Variants in SLC43A2 observed in about 807,000 individuals in gnomAD.
SLC43A2 encodes large neutral amino acids transporter small subunit 4.
SLC43A2 carries 38 observed loss-of-function variants against 63.2 expected under a neutral mutation model. That is an observed-to-expected ratio of 0.60 (90% CI 0.46 to 0.79). SLC43A2 has a LOEUF of 0.79. SLC43A2 is among the 30% of genes least tolerant of loss of function. The pLI is 0.00. For missense variants in SLC43A2, 644 were observed against 756.2 expected, an observed-to-expected ratio of 0.85 and a Z score of 1.74; for synonymous variants, 322 against 331.0, an observed-to-expected ratio of 0.97 and a Z score of 0.30.
At chr17:1,601,029 T>C (rs1482091584) in intron 5 of SLC43A2, among the ~76,000 whole-genome samples, 1 of 151,176 alleles carries the variant, frequency 6.6e-6, no homozygotes, top group South Asian at 2.1e-4. Context: ...AGGGTTGTTG[T>C]GGTAGCGACT....
chr17:1,621,248 C>A (rs1353939181), intron 2 of SLC43A2, among the ~76,000 whole-genome samples: 1 of 152,178 alleles, frequency 6.6e-6, no homozygotes, highest in Non-Finnish European at 1.5e-5. Flanking sequence ...CCTCCCCACA[C>A]CCCGGGGAGA....
chr17:1,607,583 C>T (rs1052160518), intron 5 of SLC43A2, among the ~76,000 whole-genome samples: 2 of 152,134 alleles, frequency 1.3e-5, no homozygotes, highest in Non-Finnish European at 2.9e-5. Flanking sequence ...GGAGAGCTGG[C>T]CCATGCAACC....
chr17:1,592,969 C>A (rs1336476532), intron 6 of SLC43A2, among the ~76,000 whole-genome samples: 1 of 152,212 alleles, frequency 6.6e-6, no homozygotes, highest in Non-Finnish European at 1.5e-5. Flanking sequence ...TGCAAAGGCA[C>A]CTGCGGCAGA....
In SLC43A2 at chr17:1,575,862, C is replaced by T. The variant is rs564399138; in HGVS notation, c.1549-97G>A. ...GGGTTTGGGAAAGGGGAGAAGGTCA[C>T]GGGGTGGAAGGGGGAACGAAACAGG... On this transcript the variant is annotated intron_variant, in intron 13 of 13. Transcript: ENST00000301335. 8.8e-6 allele frequency: 12 copies of T among 1,367,930 alleles called. No individual in the cohort carries two copies. In the Admixed American group the frequency reaches 1.2e-4, roughly 14 times the overall value. 84.7% of individuals were successfully genotyped at this position (1,367,930 alleles called of 1,614,324 possible).
At chr17:1,608,395 GT>G (rs1055697933) in intron 5 of SLC43A2, among the ~76,000 whole-genome samples, 26 of 151,598 alleles carry the variant, frequency 1.7e-4, no homozygotes, top group Non-Finnish European at 3.7e-4. Flanking sequence ...TGGTTTGTGT[GT>G]TTTGTTTTTT....
chr17:1,601,092 GTTTT>G (rs1271873098), intron 5 of SLC43A2, among the ~76,000 whole-genome samples: 2 of 148,432 alleles, frequency 1.3e-5, no homozygotes, highest in Non-Finnish European at 3.0e-5. Context: ...TTGTTTGTTT[GTTTT>G]AAGTAAAATG....
chr17:1,602,371 C>A (rs1007007760), intron 5 of SLC43A2, among the ~76,000 whole-genome samples: 2 of 152,108 alleles, frequency 1.3e-5, no homozygotes, highest in African/African-American at 4.8e-5. Flanking sequence ...ACAGGCCGGG[C>A]ACGGTGGCTC....
At chr17:1,584,488 G>A (rs572652993) in intron 10 of SLC43A2, among the ~76,000 whole-genome samples, 90 of 152,192 alleles carry the variant, frequency 5.9e-4, no homozygotes, top group African/African-American at 2.1e-3. Flanking sequence ...GCAATAAACC[G>A]TAGCTTATTA....
intron 5 of SLC43A2, among the ~76,000 whole-genome samples, chr17:1,596,649 G>A (rs545560112): frequency 3.3e-5 from 5 of 151,734 alleles, no homozygotes; most frequent in East Asian, 3.9e-4. Flanking sequence ...GTGCGATCTC[G>A]GCCCACTCCA....
intron 11 of SLC43A2, among the ~76,000 whole-genome samples, chr17:1,580,728 A>ATT (rs11321695): frequency 6.3e-5 from 8 of 126,396 alleles, no homozygotes; most frequent in Admixed American, 2.4e-4. Flanking sequence ...GGCCCGGCTA[A>ATT]TTTTTTTTTT....
rs2075862823 is a variant in SLC43A2, at chr17:1,572,633, T to G, written c.*2971A>C. On this transcript the variant is annotated 3_prime_UTR_variant, in exon 14 of 14. Coordinates refer to ENST00000301335, the MANE Select transcript of SLC43A2 (RefSeq NM_152346.3). ...GTGACCCCTGACTAGGGGGTGGGAG[T>G]GCAGGGGGCACCCGACCCATCTGGC... 1 of 151,768 alleles carries G rather than the reference T, an allele frequency of 6.6e-6. No homozygotes were observed. Among genetic ancestry groups the G allele is most frequent in the South Asian group, 2.1e-4 (1 of 4,802 alleles). 9.4% of individuals were successfully genotyped at this position (151,768 alleles called of 1,614,324 possible).
In SLC43A2 at chr17:1,627,793, C is replaced by T; in HGVS notation, c.82G>A (p.Ala28Thr). 6.3e-7 allele frequency: 1 copy of T among 1,598,362 alleles called. No individual in the cohort carries two copies. Among genetic ancestry groups the T allele is most frequent in the Non-Finnish European group, 8.5e-7 (1 of 1,172,646 alleles). The change falls in exon 2 of 14, where the codon GCA becomes ACA. Residue 28 changes from alanine (A) to threonine (T), a missense_variant. By Grantham distance (58) the Ala-to-Thr change is moderately conservative (BLOSUM62 0). Coordinates refer to ENST00000301335, the MANE Select transcript of SLC43A2 (RefSeq NM_152346.3). ...TAVLENLLFS[A>T]VLLGWGSLLI... ...AGCGAGCCCCAGCCCAGGAGGACTG[C>T]CGAGAAGAGGAGGTTCTCCAGCACG...
chr17:1,628,502 T>C (rs959327568), intron 1 of SLC43A2, among the ~76,000 whole-genome samples: 9 of 151,754 alleles, frequency 5.9e-5, no homozygotes, highest in Admixed American at 5.9e-4. Flanking sequence ...CGCTAGGCGC[T>C]GCGGCCACGC....
intron 1 of SLC43A2, chr17:1,628,485 T>C (rs1908894807): frequency 6.6e-6 from 1 of 150,476 alleles, no homozygotes; most frequent in Non-Finnish European, 1.5e-5. Flanking sequence ...TTGGCCGCCG[T>C]CTAGGTCGCT....
chr17:1,629,934 C>CG (rs903277425), upstream of SLC43A2, among the ~76,000 whole-genome samples: 1 of 152,194 alleles, frequency 6.6e-6, no homozygotes, highest in Non-Finnish European at 1.5e-5. Flanking sequence ...TGGCTCGCTC[C>CG]GGGGGGCTGG....
chr17:1,569,261 C>T (rs1343682172), downstream of SLC43A2: 1 of 152,324 alleles, frequency 6.6e-6, no homozygotes, highest in Non-Finnish European at 1.5e-5. Context: ...GAGGAAGCCG[C>T]TCGCAGTCAT....
chr17:1,623,751 T>C (rs1339105241), intron 2 of SLC43A2, among the ~76,000 whole-genome samples: 1 of 115,644 alleles, frequency 8.6e-6, no homozygotes, highest in African/African-American at 3.4e-5. Context: ...TCCTCCAGGC[T>C]GTACCCTCCT....
At chr17:1,602,042 C>T (rs1383434935) in intron 5 of SLC43A2, among the ~76,000 whole-genome samples, 1 of 152,160 alleles carries the variant, frequency 6.6e-6, no homozygotes, top group African/African-American at 2.4e-5. Context: ...CAAACCAATG[C>T]AAAGGCGCTA....
At chr17:1,613,933 TA>T (rs1019261963) in intron 4 of SLC43A2, among the ~76,000 whole-genome samples, 2 of 151,666 alleles carry the variant, frequency 1.3e-5, no homozygotes, top group African/African-American at 4.8e-5. Flanking sequence ...ACCCCATTTC[TA>T]AAAAAAAGTT....
Sources: allele counts gnomAD v4.1 joint callset (sites outside exome capture counted in the v4.1 genomes callset), GRCh38; gene constraint gnomAD v4.1.1; transcripts MANE v1.5; gene names NCBI Gene and HGNC (gene_info 2026-07-23, HGNC 2026-07-21).